ALK: variants seen among roughly 807,000 people sequenced by gnomAD.
The protein encoded by ALK is ALK tyrosine kinase receptor.
A neutral mutation model predicts 163.1 loss-of-function variants in ALK; 74 were observed. The observed-to-expected ratio is 0.45, with a 90% CI of 0.38 to 0.55. The LOEUF is 0.55. Ranked by LOEUF, ALK falls within the 20% of genes least tolerant of loss-of-function variation. The pLI is 0.00. For synonymous variants in ALK, 960 were observed against 843.2 expected (o/e 1.14, Z -2.40); for missense variants, 2,063 against 2,105.3 (o/e 0.98, Z 0.39).
chr2:29,906,214 G>A lies in ALK; in HGVS notation c.667+13779C>T, dbSNP rs917227821. ...GAAAAGTGACAAGGGGGCTAGAGAC[G>A]TTTGTTTCCTTCCCAGCATGTATCA... On this transcript the variant is annotated intron_variant, in intron 1 of 28. Coordinates refer to ENST00000389048, the MANE Select transcript of ALK (RefSeq NM_004304.5). 2.0e-5 allele frequency among the ~76,000 whole-genome samples: 3 copies of A among 152,238 alleles called. No individual in the cohort carries two copies. The South Asian group carries it at 6.2e-4, about 32-fold the overall frequency.
At chr2:29,559,768 C>CGTGTGTGTGT (rs56285031) in intron 3 of ALK, among the ~76,000 whole-genome samples, 35,745 of 142,892 alleles carry the variant, frequency 0.25, 4,966 homozygotes, top group East Asian at 0.37. Context: ...GGAGCATGTA[C>CGTGTGTGTGT]GTGTGTGTGT....
chr2:29,710,086 A>G (rs977655590), intron 2 of ALK, among the ~76,000 whole-genome samples: 1 of 152,170 alleles, frequency 6.6e-6, no homozygotes, highest in South Asian at 2.1e-4. Flanking sequence ...TGTTCTCATG[A>G]TAGTGAATAG....
intron 5 of ALK, among the ~76,000 whole-genome samples, chr2:29,341,828 T>G (rs1196654849): frequency 6.6e-6 from 1 of 152,184 alleles, no homozygotes; most frequent in Non-Finnish European, 1.5e-5. Flanking sequence ...GAGTCCCCTA[T>G]GAAAAGATGA....
intron 5 of ALK, among the ~76,000 whole-genome samples, chr2:29,331,498 G>A (rs1667437923): frequency 6.6e-6 from 1 of 152,182 alleles, no homozygotes; most frequent in African/African-American, 2.4e-5. Flanking sequence ...GAGATACAAT[G>A]CTCATTTTAG....
At chr2:29,840,496 A>G (rs1665671630) in intron 1 of ALK, among the ~76,000 whole-genome samples, 1 of 152,212 alleles carries the variant, frequency 6.6e-6, no homozygotes, top group Non-Finnish European at 1.5e-5. Context: ...TCTATAAATC[A>G]TCTGGTTTTG....
At chr2:29,763,323 T>A (rs1200896987) in intron 1 of ALK, among the ~76,000 whole-genome samples, 1 of 152,096 alleles carries the variant, frequency 6.6e-6, no homozygotes, top group Non-Finnish European at 1.5e-5. Flanking sequence ...CTAAATAGCA[T>A]TATTATAATC....
rs1460362626 is a variant in ALK, at chr2:29,193,370, T to C, written c.4717A>G (p.Arg1573Gly). 3 of 1,614,198 alleles carry C rather than the reference T, an allele frequency of 1.9e-6. No homozygotes were observed. The highest frequency in any genetic ancestry group is 1.7e-5 in the Admixed American group (1 of 60,028). Residue 1573 changes from arginine to glycine, a missense_variant, in exon 29 of 29, where the codon AGG becomes GGG. By Grantham distance (125) the Arg-to-Gly change is moderately radical (BLOSUM62 -2). Coordinates refer to ENST00000389048, the MANE Select transcript of ALK (RefSeq NM_004304.5). ...TANMKEVPLFRLRHFPCGNVN... is the reference protein window; with the variant it reads ...TANMKEVPLFGLRHFPCGNVN... ...TTCCCACAAGGGAAGTGACGTAGCC[T>C]GAACAGAGGTACCTCCTTCATATTG...
chr2:29,879,679 A>T (rs1197767374), intron 1 of ALK, among the ~76,000 whole-genome samples: 2 of 152,208 alleles, frequency 1.3e-5, no homozygotes, highest in African/African-American at 4.8e-5. Flanking sequence ...TTTCTCCCCA[A>T]AGTGACAGAG....
intron 4 of ALK, among the ~76,000 whole-genome samples, chr2:29,479,222 A>T (rs943862106): frequency 2.6e-5 from 4 of 152,134 alleles, no homozygotes; most frequent in Admixed American, 6.5e-5. Context: ...AGGCAGATCT[A>T]CACTGCCCTG....
chr2:29,656,872 TG>T (rs1050862114), intron 3 of ALK, among the ~76,000 whole-genome samples: 2 of 152,140 alleles, frequency 1.3e-5, no homozygotes, highest in African/African-American at 4.8e-5. Flanking sequence ...CATCCCTTTT[TG>T]CAGGGAAAAA....
intron 3 of ALK, among the ~76,000 whole-genome samples, chr2:29,668,512 T>C (rs1278392731): frequency 6.6e-6 from 1 of 152,138 alleles, no homozygotes; most frequent in Non-Finnish European, 1.5e-5. Flanking sequence ...CATTGACCCA[T>C]TGGTTGTTCA....
intron 1 of ALK, among the ~76,000 whole-genome samples, chr2:29,891,444 C>T (rs1667143072): frequency 6.6e-6 from 1 of 152,176 alleles, no homozygotes; most frequent in Non-Finnish European, 1.5e-5. Context: ...TGACATAACA[C>T]TTATCTGCAT....
At chr2:29,624,592 A>C (rs1186432518) in intron 3 of ALK, among the ~76,000 whole-genome samples, 1 of 152,114 alleles carries the variant, frequency 6.6e-6, no homozygotes, top group Non-Finnish European at 1.5e-5. Context: ...GGCCTGCTGG[A>C]GCAGGGGATG....
intron 2 of ALK, among the ~76,000 whole-genome samples, chr2:29,713,785 T>C (rs1679171890): frequency 2.0e-5 from 3 of 152,022 alleles, no homozygotes; most frequent in Admixed American, 1.3e-4. Context: ...ACTGCAATTT[T>C]ATAATACAAC....
intron 3 of ALK, among the ~76,000 whole-genome samples, chr2:29,585,383 A>G (rs900707970): frequency 2.0e-5 from 3 of 152,094 alleles, no homozygotes; most frequent in East Asian, 3.9e-4. Flanking sequence ...CTGGAGTGCA[A>G]TGGCACAATT....
At chr2:29,403,055 T>G (rs1252407271) in intron 4 of ALK, among the ~76,000 whole-genome samples, 4 of 152,188 alleles carry the variant, frequency 2.6e-5, no homozygotes, top group Admixed American at 1.3e-4. Context: ...TAGTCTGTCA[T>G]CTGTGAAGTT....
intron 1 of ALK, among the ~76,000 whole-genome samples, chr2:29,855,974 T>A (rs1321422682): frequency 6.6e-6 from 1 of 152,252 alleles, no homozygotes; most frequent in Non-Finnish European, 1.5e-5. Flanking sequence ...AAATTCATGA[T>A]AATTACATAA....
At chr2:29,906,059 G>A (rs746769309) in intron 1 of ALK, among the ~76,000 whole-genome samples, 27 of 152,162 alleles carry the variant, frequency 1.8e-4, no homozygotes, top group South Asian at 1.5e-3. Context: ...CAAGGGCCTC[G>A]CTATAGAGGG....
At chr2:29,699,719 A>C (rs1678677246) in intron 2 of ALK, among the ~76,000 whole-genome samples, 1 of 152,240 alleles carries the variant, frequency 6.6e-6, no homozygotes, top group Non-Finnish European at 1.5e-5. Context: ...TTAACCCAAG[A>C]GAATCTGACC....
Sources: gnomAD v4.1 joint callset for allele counts (sites outside exome capture counted in the v4.1 genomes callset) on GRCh38, gnomAD v4.1.1 for gene constraint, MANE v1.5 for transcripts, NCBI Gene and HGNC (gene_info 2026-07-23, HGNC 2026-07-21) for gene names.